Variants in R3HCC1L observed in about 807,000 individuals in gnomAD.
The protein encoded by R3HCC1L is R3H domain and coiled-coil containing 1 like.
Under a neutral mutation model 59.9 loss-of-function variants are expected in R3HCC1L, and 51 were observed. That is an observed-to-expected ratio of 0.85 (90% CI 0.68 to 1.07). The LOEUF is 1.07. R3HCC1L is among the 50% of genes least tolerant of loss of function. The pLI is 0.00. For synonymous variants in R3HCC1L, 322 were observed against 315.2 expected (o/e 1.02, Z -0.23); for missense variants, 965 against 933.0 (o/e 1.03, Z -0.45).
chr10:98,144,551 G>A (rs1394320947), intron 1 of R3HCC1L, among the ~76,000 whole-genome samples: 1 of 152,092 alleles, frequency 6.6e-6, no homozygotes, highest in Admixed American at 6.6e-5. Flanking sequence ...GTTTTGGATG[G>A]GAACCTAGGA....
At chr10:98,179,123 G>C (rs896264566) in intron 4 of R3HCC1L, among the ~76,000 whole-genome samples, 1 of 152,130 alleles carries the variant, frequency 6.6e-6, no homozygotes, top group Non-Finnish European at 1.5e-5. Context: ...GTAAGAGAGG[G>C]CATCCCTGTC....
chr10:98,226,119 T>C lies in R3HCC1L; in HGVS notation c.1786-5393T>C, dbSNP rs935806737. Among the ~76,000 whole-genome samples, 12 of 152,258 alleles carry C rather than the reference T, an allele frequency of 7.9e-5. No individual in the cohort carries two copies. The East Asian group carries it at 2.3e-3, about 29-fold the overall frequency. On this transcript the variant is annotated intron_variant, in intron 5 of 9. Coordinates refer to ENST00000298999, the MANE Select transcript of R3HCC1L (RefSeq NM_001351015.2). Reference sequence around the variant, plus strand: ...CCTCCCAAAGTGCTGGGATTACAGGTCTGTGCCACCATGCCTGGCCTGTAA... The same window carrying C: ...CCTCCCAAAGTGCTGGGATTACAGGCCTGTGCCACCATGCCTGGCCTGTAA...
intron 5 of R3HCC1L, among the ~76,000 whole-genome samples, chr10:98,213,725 T>C (rs1853850774): frequency 6.6e-6 from 1 of 152,196 alleles, no homozygotes; most frequent in South Asian, 2.1e-4. Context: ...TTTAAAAAAT[T>C]GAACAGAGTA....
At chr10:98,220,148 G>C (rs1254859786) in intron 5 of R3HCC1L, among the ~76,000 whole-genome samples, 1 of 151,860 alleles carries the variant, frequency 6.6e-6, no homozygotes, top group Non-Finnish European at 1.5e-5. Flanking sequence ...GACCTAGTCT[G>C]CTATTGCCCT....
rs763290995 is a variant in R3HCC1L at position 98,183,316 on chromosome 10, T to TCC, written c.-15+19920_-15+19921dup. On this transcript the variant is annotated intron_variant, in intron 4 of 9. Transcript: ENST00000298999. ...AAATTTCTGAAAGTTCTTATCCTGT[T>TCC]CCACTGTATTGTGTCTTTTTTTTTT... Among the ~76,000 whole-genome samples, 5 of 150,310 alleles carry TCC rather than the reference T, an allele frequency of 3.3e-5. No individual in the cohort carries two copies. The South Asian group carries it at 1.1e-3, about 32-fold the overall frequency.
intron 4 of R3HCC1L, among the ~76,000 whole-genome samples, chr10:98,172,919 G>C (rs1477556517): frequency 6.6e-6 from 1 of 152,112 alleles, no homozygotes; most frequent in East Asian, 1.9e-4. Context: ...AGACCCTTTC[G>C]GTGGGGAATT....
intron 1 of R3HCC1L, among the ~76,000 whole-genome samples, chr10:98,138,314 CA>C (rs1844793187): frequency 6.6e-6 from 1 of 152,080 alleles, no homozygotes. Context: ...GACTTGTATA[CA>C]AAGCTATGAC....
At chr10:98,160,517 A>T (rs146547589) in intron 2 of R3HCC1L, among the ~76,000 whole-genome samples, 1 of 152,232 alleles carries the variant, frequency 6.6e-6, no homozygotes, top group Non-Finnish European at 1.5e-5. Context: ...TTATATTTCT[A>T]TTAGAATGTG....
chr10:98,139,040 C>CATTGGCATA (rs1315167583), intron 1 of R3HCC1L, among the ~76,000 whole-genome samples: 3 of 152,120 alleles, frequency 2.0e-5, no homozygotes, highest in Non-Finnish European at 4.4e-5. Context: ...CTTCAATGAT[C>CATTGGCATA]AGTGTGTTTC....
intron 2 of R3HCC1L, among the ~76,000 whole-genome samples, chr10:98,156,351 CAT>C (rs1251710899): frequency 1.3e-5 from 2 of 152,224 alleles, no homozygotes; most frequent in African/African-American, 4.8e-5. Context: ...TGCCCTCTCA[CAT>C]AGCTTCAATC....
At chr10:98,134,852 C>G (rs1240107326) in intron 1 of R3HCC1L, 146 bp downstream of exon 1, 12 of 152,276 alleles carry the variant, frequency 7.9e-5, no homozygotes, top group Non-Finnish European at 2.9e-5. Flanking sequence ...AGGGGCCGCC[C>G]CCTGCCTGGG....
At chr10:98,191,557 T>C (rs1850852465) in intron 4 of R3HCC1L, among the ~76,000 whole-genome samples, 1 of 152,198 alleles carries the variant, frequency 6.6e-6, no homozygotes, top group Non-Finnish European at 1.5e-5. Flanking sequence ...ATATTAGCCC[T>C]TTGTCAGATG....
intron 4 of R3HCC1L, among the ~76,000 whole-genome samples, chr10:98,166,047 G>A (rs557390455): frequency 6.0e-4 from 91 of 152,336 alleles, no homozygotes; most frequent in Non-Finnish European, 8.5e-4. Context: ...GCACATGCCT[G>A]TAATCCCAGC....
chr10:98,163,246 A>G (rs1302401139), intron 3 of R3HCC1L, 47 bp from the exon 4 acceptor site: 4 of 434,396 alleles, frequency 9.2e-6, no homozygotes, highest in Non-Finnish European at 1.2e-5. Flanking sequence ...TGTCAAAGAA[A>G]TAACTGTGTA....
chr10:98,220,038 C>T (rs913513272), intron 5 of R3HCC1L, among the ~76,000 whole-genome samples: 7 of 152,060 alleles, frequency 4.6e-5, no homozygotes, highest in African/African-American at 1.7e-4. Context: ...TTGTGATGTC[C>T]CTCATTTCAT....
rs531496595 is a variant in R3HCC1L at position 98,198,515 on chromosome 10, A to G, written c.-14-9586A>G. On this transcript the variant is annotated intron_variant, in intron 4 of 9. Transcript: ENST00000298999. ...ATGATTTGAAATTAGGGCCTTCCAC[A>G]GTTTCAAACATAATAAAAAGCCTTC... is the stretch of plus-strand genomic sequence containing the variant. 2.6e-5 allele frequency among the ~76,000 whole-genome samples: 4 copies of G among 151,008 alleles called. No homozygotes were observed. In the South Asian group the frequency reaches 8.4e-4, roughly 32 times the overall value.
At chr10:98,152,060 C>G (rs1043953522) in intron 1 of R3HCC1L, among the ~76,000 whole-genome samples, 1 of 152,350 alleles carries the variant, frequency 6.6e-6, no homozygotes, top group Admixed American at 6.5e-5. Context: ...CTGCCTGATT[C>G]TCCTGCCTCA....
chr10:98,218,186 A>G (rs994296785), intron 5 of R3HCC1L, among the ~76,000 whole-genome samples: 1 of 151,986 alleles, frequency 6.6e-6, no homozygotes, highest in Admixed American at 6.6e-5. Flanking sequence ...TGTTTCTTCT[A>G]TTTCTAATTT....
At chr10:98,159,071 G>A (rs1158286738) in intron 2 of R3HCC1L, among the ~76,000 whole-genome samples, 3 of 152,180 alleles carry the variant, frequency 2.0e-5, no homozygotes, top group African/African-American at 7.2e-5. Context: ...CTTCCAAAAA[G>A]TGTTGGGATT....
Sources: allele counts gnomAD v4.1 joint callset (sites outside exome capture counted in the v4.1 genomes callset), GRCh38; gene constraint gnomAD v4.1.1; transcripts MANE v1.5; gene names NCBI Gene and HGNC (gene_info 2026-07-23, HGNC 2026-07-21).